HMGCS1: variants seen among roughly 807,000 people sequenced by gnomAD.
HMGCS1 encodes the protein 3-hydroxy-3-methylglutaryl-CoA synthase 1, also known as hydroxymethylglutaryl-CoA synthase, cytoplasmic.
In HMGCS1, 9 loss-of-function variants were observed where a neutral mutation model predicts 52.3. That is an observed-to-expected ratio of 0.17 (90% CI 0.10 to 0.30). The LOEUF (loss-of-function observed/expected upper bound fraction) is 0.30, where lower values mean the gene tolerates loss of function less well. Ranked by LOEUF, HMGCS1 falls within the 10% of genes least tolerant of loss-of-function variation. The probability of loss-of-function intolerance (pLI) is 1.00; values close to 1 mark genes in which losing one functional copy is unlikely to be tolerated. For synonymous variants in HMGCS1, 176 were observed against 214.4 expected (o/e 0.82, Z 1.57); for missense variants, 320 against 620.9 (o/e 0.52, Z 5.15).
chr5:43,305,028 C>A (rs945381668), intron 2 of HMGCS1, among the ~76,000 whole-genome samples: 4 of 152,026 alleles, frequency 2.6e-5, no homozygotes, highest in South Asian at 2.1e-4. Flanking sequence ...CTCTTGTTGC[C>A]CAGGCTGGAG....
At chr5:43,295,629 T>A in intron 6 of HMGCS1, 123 bp downstream of exon 6, 1 of 687,958 alleles carries the variant, frequency 1.5e-6, no homozygotes, top group Non-Finnish European at 2.5e-6. Flanking sequence ...ACACACAGAT[T>A]AGACTGGATG....
At chr5:43,291,547 A>G (rs1753768466) in intron 10 of HMGCS1, among the ~76,000 whole-genome samples, 2 of 152,170 alleles carry the variant, frequency 1.3e-5, no homozygotes, top group African/African-American at 4.8e-5. Flanking sequence ...TATAATAGCA[A>G]AAAGCAAGAC....
chr5:43,292,033 G>T, intron 10 of HMGCS1, among the ~76,000 whole-genome samples: 1 of 117,224 alleles, frequency 8.5e-6, no homozygotes, highest in Non-Finnish European at 1.6e-5. Context: ...TTGCTCTGTC[G>T]CCAGGCTGGA....
intron 2 of HMGCS1, among the ~76,000 whole-genome samples, chr5:43,305,255 G>A (rs867071632): frequency 2.0e-4 from 30 of 152,054 alleles, no homozygotes; most frequent in Non-Finnish European, 3.4e-4. Context: ...CGAAGTGCTG[G>A]GATTACAGGC....
At position 43,288,201 on chromosome 5, in the gene HMGCS1, T is replaced by C. The variant is rs1034404255; in HGVS notation, c.*2930A>G. On this transcript the variant is annotated 3_prime_UTR_variant, in exon 11 of 11. Transcript: ENST00000325110. ...CCCCAATATATAACCCATCTGAGGA[T>C]TTCTAATCATAATCTTCAGCATCAA... The C allele has an allele frequency of 1.3e-5, 2 of 152,182 alleles. No homozygotes were observed. Among genetic ancestry groups the C allele is most frequent in the African/African-American group, 4.8e-5 (2 of 41,438 alleles). The allele number at this position is 152,182 out of a possible 1,614,324, so 9.4% of individuals were successfully genotyped here.
intron 5 of HMGCS1, among the ~76,000 whole-genome samples, chr5:43,296,775 C>T (rs570885916): frequency 2.0e-5 from 3 of 152,226 alleles, no homozygotes; most frequent in South Asian, 2.1e-4. Context: ...AGGGGTAAAC[C>T]GACCTAAATA....
At chr5:43,299,014 T>TATAACC in intron 2 of HMGCS1, 39 bp from the exon 3 acceptor site, 1 of 1,456,102 alleles carries the variant, frequency 6.9e-7, no homozygotes, top group Non-Finnish European at 9.3e-7. Flanking sequence ...TGTTTTAGGT[T>TATAACC]ATAAGTTGCT....
intron 1 of HMGCS1, among the ~76,000 whole-genome samples, chr5:43,309,321 C>T (rs759804704): frequency 7.2e-5 from 11 of 151,844 alleles, no homozygotes; most frequent in Non-Finnish European, 1.6e-4. Context: ...TCACTGTAAC[C>T]TCGACCTCCC....
intron 1 of HMGCS1, among the ~76,000 whole-genome samples, chr5:43,311,306 C>G (rs536548152): frequency 7.6e-6 from 1 of 131,314 alleles, no homozygotes; most frequent in African/African-American, 2.9e-5. Flanking sequence ...GGCGACAGAG[C>G]GAGATTCTGT....
At position 43,307,806 on chromosome 5, in the gene HMGCS1, C is replaced by T. The variant is rs1210983053; in HGVS notation, c.-51G>A. On this transcript the variant is annotated 5_prime_UTR_variant, in exon 2 of 11. In the 5' UTR this introduces an upstream ATG that the reference lacks. Coordinates refer to ENST00000325110, the MANE Select transcript of HMGCS1 (RefSeq NM_001098272.3). ...AGAACTGCAGTCTCCAGGTCTGTCA[C>T]TGTTTCCTCCTTCGGGCACTAGGAA... 1 of 152,206 alleles carries T rather than the reference C, an allele frequency of 6.6e-6. No individual in the cohort carries two copies. The highest frequency in any genetic ancestry group is 1.5e-5 in the Non-Finnish European group (1 of 68,030). The allele number at this position is 152,206 out of a possible 1,614,324, so 9.4% of individuals were successfully genotyped here. A position where few individuals can be genotyped will look rare whatever the true frequency, so the allele number is the denominator to read the frequency against.
chr5:43,291,089 C>CCATCCCCCCCCCCCCCCAAAGGA lies in HMGCS1; in HGVS notation c.*41_*42insTCCTTTGGGGGGGGGGGGGGATG. ...TCCAACTGTTCCCATACCCCCACCC[C>CCATCCCCCCCCCCCCCCAAAGGA]ATGCCCACCCCACCCTGAAGTCTTG... On this transcript the variant is annotated 3_prime_UTR_variant, in exon 11 of 11. Coordinates refer to ENST00000325110, the MANE Select transcript of HMGCS1 (RefSeq NM_001098272.3). 1 of 782,312 alleles carries CCATCCCCCCCCCCCCCCAAAGGA rather than the reference C, an allele frequency of 1.3e-6. No homozygotes were observed. Among genetic ancestry groups the CCATCCCCCCCCCCCCCCAAAGGA allele is most frequent in the South Asian group, 1.4e-5 (1 of 73,948 alleles). 48.5% of individuals were successfully genotyped at this position (782,312 alleles called of 1,614,324 possible).
chr5:43,297,152 G>T lies in HMGCS1; in HGVS notation c.589C>A (p.His197Asn). The T allele has an allele frequency of 6.2e-7, 1 of 1,612,546 alleles. No individual in the cohort carries two copies. Among genetic ancestry groups the T allele is most frequent in the Non-Finnish European group, 8.5e-7 (1 of 1,179,418 alleles). Reference sequence around the variant, plus strand: ...TAAAAATCATAGGCATGTTGCATATGTGTCCCACGAAGCCCTATTAGAACC... The same window carrying T: ...TAAAAATCATAGGCATGTTGCATATTTGTCCCACGAAGCCCTATTAGAACC... The part of the protein sequence containing the change: ...LIFERGLRGT[H>N]MQHAYDFYKP... The change falls in exon 5 of 11, where the codon CAT becomes AAT. Residue 197 changes from histidine to asparagine, a missense_variant. His to Asn is a moderately conservative substitution (Grantham distance 68). Coordinates refer to ENST00000325110, the MANE Select transcript of HMGCS1 (RefSeq NM_001098272.3).
chr5:43,293,373 G>A lies in HMGCS1; in HGVS notation c.1184-400C>T, dbSNP rs1400651616. Among the ~76,000 whole-genome samples, 4 of 152,156 alleles carry A rather than the reference G, an allele frequency of 2.6e-5. 1 individual carries two copies. In the East Asian group the frequency reaches 7.7e-4, roughly 29 times the overall value. The stretch of plus-strand genomic sequence containing the variant: ...CTCCTGAAGTGTTGGGATTATAGGT[G>A]TGAGCCATTGCACCTGGCCCATGGT... On this transcript the variant is annotated intron_variant, in intron 8 of 10. Transcript: ENST00000325110.
At chr5:43,308,111 A>G (rs1186317300) in intron 1 of HMGCS1, among the ~76,000 whole-genome samples, 1 of 152,250 alleles carries the variant, frequency 6.6e-6, no homozygotes, top group African/African-American at 2.4e-5. Context: ...CAAGGAAATA[A>G]GAAGCCCATG....
intron 5 of HMGCS1, 59 bp downstream of exon 5, chr5:43,296,943 C>CT: frequency 7.5e-7 from 1 of 1,332,200 alleles, no homozygotes; most frequent in Non-Finnish European, 1.0e-6. Flanking sequence ...CCAAAGATAC[C>CT]TAGTACATTA....
chr5:43,292,937 T>C lies in HMGCS1; in HGVS notation c.1220A>G (p.Asp407Gly). ...ALDKITASLC[D>G]LKSRLDSRTG... ...TCTTGAATCAAGCCTTGATTTAAGATCACATAAACTTGCTGTTATTTTATC... is the reference window on the plus strand; with the variant it reads ...TCTTGAATCAAGCCTTGATTTAAGACCACATAAACTTGCTGTTATTTTATC... Residue 407 changes from aspartate (D) to glycine (G), a missense_variant, in exon 9 of 11, where the codon GAT (aspartate) becomes GGT (glycine). Around this residue, in one of 3 missense-constraint regions of HMGCS1, gnomAD observed 213 missense variants for 337.4 expected, o/e 0.63. Coordinates refer to ENST00000325110, the MANE Select transcript of HMGCS1 (RefSeq NM_001098272.3). 6.2e-7 allele frequency: 1 copy of C among 1,605,224 alleles called. No homozygotes were observed. Among genetic ancestry groups the C allele is most frequent in the Non-Finnish European group, 8.5e-7 (1 of 1,177,040 alleles).
chr5:43,291,091 TGCCCACCCCAC>T lies in HMGCS1; in HGVS notation c.*29_*39del. 1.8e-6 allele frequency: 1 copy of T among 541,864 alleles called. No homozygotes were observed. The highest frequency in any genetic ancestry group is 3.7e-6 in the Non-Finnish European group (1 of 269,890). 33.6% of individuals were successfully genotyped at this position (541,864 alleles called of 1,614,324 possible). A position where few individuals can be genotyped will look rare whatever the true frequency, so the allele number is the denominator to read the frequency against. On this transcript the variant is annotated 3_prime_UTR_variant, in exon 11 of 11. Transcript: ENST00000325110. The stretch of plus-strand genomic sequence containing the variant: ...CAACTGTTCCCATACCCCCACCCCA[TGCCCACCCCAC>T]CCTGAAGTCTTGCACCTCACAGAGT...
chr5:43,312,670 G>C (rs933165654), intron 1 of HMGCS1, among the ~76,000 whole-genome samples: 1 of 152,052 alleles, frequency 6.6e-6, no homozygotes, highest in Non-Finnish European at 1.5e-5. Context: ...AGAACACCAA[G>C]GAAGCCTATT....
chr5:43,298,243 TAAAG>T lies in HMGCS1; in HGVS notation c.449-113_449-110del. 2.0e-6 allele frequency: 2 copies of T among 1,020,426 alleles called. No individual in the cohort carries two copies. Among genetic ancestry groups the T allele is most frequent in the Non-Finnish European group, 2.8e-6 (2 of 706,938 alleles). The allele number at this position is 1,020,426 out of a possible 1,614,324, so 63.2% of individuals were successfully genotyped here. On this transcript the variant is annotated intron_variant, in intron 3 of 10. Transcript: ENST00000325110. This position sits in a 1 kb window ranked among gnomAD's most constrained non-coding sequence, Gnocchi z 5.6. ...CAGAATATGCTTTTCCCTTCTTTGA[TAAAG>T]AAAGAAAATGCTCTAATTTTTTTTT...
Sources: allele counts gnomAD v4.1 joint callset (sites outside exome capture counted in the v4.1 genomes callset), GRCh38; gene constraint gnomAD v4.1.1; regional missense constraint gnomAD v4.1.1; non-coding constraint Gnocchi (gnomAD v3.1); transcripts MANE v1.5; gene names NCBI Gene and HGNC (gene_info 2026-07-23, HGNC 2026-07-21).